The following WDPCP variants were observed in gnomAD, a reference collection of about 807,000 sequenced individuals.
WDPCP encodes the protein WD repeat-containing and planar cell polarity effector protein fritz homolog.
WDPCP carries 71 observed loss-of-function variants against 93.1 expected under a neutral mutation model. The observed-to-expected ratio is 0.76, with a 90% CI of 0.63 to 0.93. WDPCP has a LOEUF of 0.93. Ranked by LOEUF, WDPCP falls within the 40% of genes least tolerant of loss-of-function variation. The probability of loss-of-function intolerance (pLI) is 0.00; values close to 1 mark genes in which losing one functional copy is unlikely to be tolerated. For synonymous variants in WDPCP, 315 were observed against 315.0 expected (o/e 1.00, Z 0.00); for missense variants, 844 against 887.4 (o/e 0.95, Z 0.62).
At chr2:63,619,424 C>T (rs1403666050) in intron 3 of WDPCP, among the ~76,000 whole-genome samples, 1 of 152,106 alleles carries the variant, frequency 6.6e-6, no homozygotes, top group East Asian at 1.9e-4. Context: ...CTAAAATGAG[C>T]CTTCCTCTTC....
chr2:63,315,761 A>ATTT (rs59248574), intron 12 of WDPCP, among the ~76,000 whole-genome samples: 1 of 149,660 alleles, frequency 6.7e-6, no homozygotes. Context: ...AAATAATTTG[A>ATTT]TTTTTTTTTT....
chr2:63,665,272 G>C (rs1418054407), intron 2 of WDPCP, among the ~76,000 whole-genome samples: 1 of 152,154 alleles, frequency 6.6e-6, no homozygotes, highest in African/African-American at 2.4e-5. Context: ...AACTGTGAGG[G>C]AAGAATCTGT....
chr2:63,294,170 A>G (rs1345893694), intron 13 of WDPCP, among the ~76,000 whole-genome samples: 1 of 152,216 alleles, frequency 6.6e-6, no homozygotes, highest in Non-Finnish European at 1.5e-5. Context: ...TAGATTTCCC[A>G]TCAAAGGCTT....
chr2:63,759,836 G>C (rs951881948), intron 2 of WDPCP, among the ~76,000 whole-genome samples: 41 of 152,366 alleles, frequency 2.7e-4, no homozygotes, highest in African/African-American at 9.1e-4. Context: ...ATGAGGGTTA[G>C]GCTAGAGGCT....
chr2:63,375,900 C>A (rs1285425747), intron 12 of WDPCP, among the ~76,000 whole-genome samples: 2 of 151,854 alleles, frequency 1.3e-5, no homozygotes, highest in African/African-American at 4.8e-5. Context: ...CTCTGTGGGG[C>A]AACTTTTCCT....
chr2:63,356,454 A>G (rs1690027823), intron 12 of WDPCP, among the ~76,000 whole-genome samples: 1 of 152,170 alleles, frequency 6.6e-6, no homozygotes, highest in Non-Finnish European at 1.5e-5. Flanking sequence ...AGAACTCTCC[A>G]CCCCAAAACA....
At chr2:63,741,377 G>C (rs1669711988) in intron 2 of WDPCP, among the ~76,000 whole-genome samples, 1 of 151,924 alleles carries the variant, frequency 6.6e-6, no homozygotes, top group African/African-American at 2.4e-5. Flanking sequence ...CACAGAGCTG[G>C]GTTTCTCCTG....
chr2:63,582,781 G>C (rs1279318316), intron 1 of WDPCP, among the ~76,000 whole-genome samples: 2 of 151,990 alleles, frequency 1.3e-5, no homozygotes, highest in Admixed American at 6.5e-5. Context: ...GATCTTCAAA[G>C]TACTGAAAGA....
intron 13 of WDPCP, among the ~76,000 whole-genome samples, chr2:63,298,986 T>C (rs1559296601): frequency 6.6e-6 from 1 of 152,164 alleles, no homozygotes; most frequent in South Asian, 2.1e-4. Context: ...GGCACTTCCT[T>C]GAGGAGGAGA....
chr2:63,304,959 C>T (rs921252773), intron 13 of WDPCP, among the ~76,000 whole-genome samples: 8 of 152,098 alleles, frequency 5.3e-5, no homozygotes, highest in African/African-American at 7.2e-5. Flanking sequence ...TTTCCCCTCA[C>T]GTTGTAAACA....
chr2:63,793,792 ACT>A (rs144247304), intron 2 of WDPCP, among the ~76,000 whole-genome samples: 26,801 of 151,612 alleles, frequency 0.18, 3,102 homozygotes, highest in Non-Finnish European at 0.24. Flanking sequence ...TCTACACTGA[ACT>A]CTCTATAAAT....
chr2:63,353,187 G>A (rs941794594), intron 12 of WDPCP, among the ~76,000 whole-genome samples: 1 of 151,998 alleles, frequency 6.6e-6, no homozygotes, highest in African/African-American at 2.4e-5. Context: ...CCACTCCACC[G>A]GGGCCTTCAG....
Position 63,382,071 on chromosome 2 carries a change from C to A in WDPCP, c.1459G>T (p.Gly487Cys). 1 of 1,612,966 alleles carries A rather than the reference C, an allele frequency of 6.2e-7. No individual in the cohort carries two copies. Among genetic ancestry groups the A allele is most frequent in the East Asian group, 2.2e-5 (1 of 44,718 alleles). The change falls in exon 11 of 18, where the codon GGC becomes TGC. Residue 487 changes from glycine to cysteine, a missense_variant. Gly to Cys is a radical substitution (Grantham distance 159). Coordinates refer to ENST00000272321, the MANE Select transcript of WDPCP (RefSeq NM_015910.7). ...TACTGGAAGATGATGTCTATCAGGCCCAGCTGTCCTCGAGTGAAGACGCCT... is the reference window on the plus strand; with the variant it reads ...TACTGGAAGATGATGTCTATCAGGCACAGCTGTCCTCGAGTGAAGACGCCT... ...KLGVFTRGQLGLIDIIFQYIH... is the reference protein window; with the variant it reads ...KLGVFTRGQLCLIDIIFQYIH...
chr2:63,217,972 A>G (rs892600104), intron 14 of WDPCP, among the ~76,000 whole-genome samples: 2 of 152,206 alleles, frequency 1.3e-5, no homozygotes, highest in African/African-American at 4.8e-5. Flanking sequence ...GCCTCTGTGG[A>G]GATATCCTTC....
intron 2 of WDPCP, among the ~76,000 whole-genome samples, chr2:63,660,621 A>G (rs1710216098): frequency 6.6e-6 from 1 of 152,190 alleles, no homozygotes; most frequent in Non-Finnish European, 1.5e-5. Flanking sequence ...CCCTGTATCT[A>G]AAATAAAAGT....
chr2:63,253,345 G>C (rs1288931354), intron 14 of WDPCP, among the ~76,000 whole-genome samples: 1 of 151,878 alleles, frequency 6.6e-6, no homozygotes, highest in Non-Finnish European at 1.5e-5. Flanking sequence ...TTATGATTAA[G>C]TAAGTCCTCA....
chr2:63,531,396 G>C (rs933716877), intron 1 of WDPCP, among the ~76,000 whole-genome samples: 1 of 152,130 alleles, frequency 6.6e-6, no homozygotes, highest in Non-Finnish European at 1.5e-5. Context: ...TCCTCAAATG[G>C]GTCCCTGACC....
intron 12 of WDPCP, among the ~76,000 whole-genome samples, chr2:63,323,771 G>A (rs999744315): frequency 6.6e-6 from 1 of 152,136 alleles, no homozygotes; most frequent in African/African-American, 2.4e-5. Flanking sequence ...GCAGGTTTTC[G>A]AGAATGCGTT....
At position 63,588,220 on chromosome 2, in the gene WDPCP, C is replaced by T. The variant is rs1381507084; in HGVS notation, c.52G>A (p.Ala18Thr). Reference sequence around the variant, plus strand: ...ACCTGTCTCGGGAGTGGGGAAGAAGCGCGACTCCCGGCCGCTTTGGAGTAG... The same window carrying T: ...ACCTGTCTCGGGAGTGGGGAAGAAGTGCGACTCCCGGCCGCTTTGGAGTAG... ...DAYSKAAGSR[A>T]SSPLPRQDRD... Residue 18 changes from alanine (A) to threonine (T), a missense_variant, in exon 1 of 18, where the codon GCT (alanine) becomes ACT (threonine). By Grantham distance (58) the Ala-to-Thr change is moderately conservative. Coordinates refer to ENST00000272321, the MANE Select transcript of WDPCP (RefSeq NM_015910.7). 1.3e-6 allele frequency: 2 copies of T among 1,573,926 alleles called. No individual in the cohort carries two copies. The highest frequency in any genetic ancestry group is 1.4e-5 in the African/African-American group (1 of 73,686).
Sources: gnomAD v4.1 joint callset for allele counts (sites outside exome capture counted in the v4.1 genomes callset) on GRCh38, gnomAD v4.1.1 for gene constraint, MANE v1.5 for transcripts, NCBI Gene and HGNC (gene_info 2026-07-23, HGNC 2026-07-21) for gene names.